The following NRG1 variants were observed in gnomAD, a reference collection of about 807,000 sequenced individuals.
NRG1 encodes pro-neuregulin-1, membrane-bound isoform.
A neutral mutation model predicts 63.8 loss-of-function variants in NRG1; 18 were observed. The observed-to-expected ratio is 0.28, with a 90% CI of 0.19 to 0.42. The LOEUF (loss-of-function observed/expected upper bound fraction) is 0.42. NRG1 is among the 10% of genes least tolerant of loss of function. NRG1 has a pLI of 1.00. For synonymous variants in NRG1, 302 were observed against 301.3 expected (o/e 1.00, Z -0.02); for missense variants, 762 against 814.7 (o/e 0.94, Z 0.79).
chr8:31,996,431 TG>T (rs1367393126), intron 1 of NRG1, among the ~76,000 whole-genome samples: 3 of 151,992 alleles, frequency 2.0e-5, no homozygotes, highest in African/African-American at 7.2e-5. Flanking sequence ...AAGTGATTAC[TG>T]ACTTACTGGA....
chr8:32,526,880 C>A (rs930788198), intron 1 of NRG1, among the ~76,000 whole-genome samples: 2 of 152,182 alleles, frequency 1.3e-5, no homozygotes, highest in Admixed American at 1.3e-4. Context: ...TTTTGGAGGG[C>A]TAAATGCTAG....
At chr8:32,407,195 A>G (rs1406093418) in intron 1 of NRG1, among the ~76,000 whole-genome samples, 1 of 150,238 alleles carries the variant, frequency 6.7e-6, no homozygotes, top group Non-Finnish European at 1.5e-5. Context: ...GTGTACAAAT[A>G]TTAGGGTCAC....
At chr8:31,909,782 C>T (rs1001555936) in intron 1 of NRG1, among the ~76,000 whole-genome samples, 2 of 152,152 alleles carry the variant, frequency 1.3e-5, no homozygotes, top group African/African-American at 2.4e-5. Flanking sequence ...TCAAGCGGTG[C>T]GTTGTACATG....
At chr8:31,701,054 G>T (rs1810576888) in intron 1 of NRG1, among the ~76,000 whole-genome samples, 1 of 152,130 alleles carries the variant, frequency 6.6e-6, no homozygotes, top group Admixed American at 6.6e-5. Context: ...CAAGTAGGGA[G>T]TATTATTAGT....
chr8:32,298,317 A>T (rs571740386), intron 1 of NRG1, among the ~76,000 whole-genome samples: 2 of 152,352 alleles, frequency 1.3e-5, no homozygotes, highest in South Asian at 4.1e-4. Flanking sequence ...GCCTGGCAGA[A>T]CTGACTACAG....
At chr8:32,179,452 T>A (rs1841195140) in intron 1 of NRG1, among the ~76,000 whole-genome samples, 1 of 152,202 alleles carries the variant, frequency 6.6e-6, no homozygotes, top group Admixed American at 6.5e-5. Context: ...TTCGTCTATT[T>A]ATTTGAGAAA....
chr8:32,396,076 A>T (rs565996540), intron 1 of NRG1, among the ~76,000 whole-genome samples: 1 of 152,100 alleles, frequency 6.6e-6, no homozygotes, highest in African/African-American at 2.4e-5. Flanking sequence ...TGTTCTATTG[A>T]TCTATATATA....
chr8:32,639,583 T>C (rs1851944300), intron 5 of NRG1, among the ~76,000 whole-genome samples: 1 of 152,234 alleles, frequency 6.6e-6, no homozygotes, highest in Non-Finnish European at 1.5e-5. Flanking sequence ...CTCTTATGAG[T>C]AATTCATAAC....
intron 1 of NRG1, among the ~76,000 whole-genome samples, chr8:31,669,395 G>A (rs763234951): frequency 8.6e-5 from 13 of 151,990 alleles, no homozygotes; most frequent in Non-Finnish European, 1.8e-4. Flanking sequence ...GTGCCACCAT[G>A]CCCGGCTAAT....
chr8:31,765,507 T>C (rs1817971478), intron 1 of NRG1, among the ~76,000 whole-genome samples: 1 of 152,246 alleles, frequency 6.6e-6, no homozygotes, highest in Non-Finnish European at 1.5e-5. Context: ...TTCTCCTCTA[T>C]GCCTGTGTTT....
intron 1 of NRG1, among the ~76,000 whole-genome samples, chr8:31,968,770 T>A (rs1806797337): frequency 6.6e-6 from 1 of 152,110 alleles, no homozygotes. Context: ...TGGGCCCTGG[T>A]TTTTAGTTTG....
intron 1 of NRG1, among the ~76,000 whole-genome samples, chr8:32,172,764 A>T (rs577208996): frequency 6.6e-6 from 1 of 152,240 alleles, no homozygotes; most frequent in Non-Finnish European, 1.5e-5. Context: ...AATGAATGAA[A>T]TGAAGCAAGA....
chr8:32,327,729 C>A (rs943331271), intron 1 of NRG1, among the ~76,000 whole-genome samples: 1 of 152,190 alleles, frequency 6.6e-6, no homozygotes, highest in Non-Finnish European at 1.5e-5. Context: ...GACTTTAGAT[C>A]ACCATATTGG....
At chr8:32,125,378 C>G (rs981846612) in intron 1 of NRG1, among the ~76,000 whole-genome samples, 1 of 151,958 alleles carries the variant, frequency 6.6e-6, no homozygotes, top group South Asian at 2.1e-4. Context: ...TCTCTGTAGA[C>G]TTTAATTGCT....
intron 1 of NRG1, among the ~76,000 whole-genome samples, chr8:31,901,297 A>G (rs1832058929): frequency 6.6e-6 from 1 of 152,190 alleles, no homozygotes; most frequent in East Asian, 1.9e-4. Context: ...TACATGTAAC[A>G]TGTAAGCCTG....
At chr8:32,666,057 G>A (rs1804071521) in intron 5 of NRG1, among the ~76,000 whole-genome samples, 1 of 152,160 alleles carries the variant, frequency 6.6e-6, no homozygotes, top group African/African-American at 2.4e-5. Flanking sequence ...TGTTTCTTGA[G>A]GGACACTTCT....
chr8:32,202,339 T>C (rs568673420), intron 1 of NRG1, among the ~76,000 whole-genome samples: 5 of 152,164 alleles, frequency 3.3e-5, no homozygotes, highest in African/African-American at 1.2e-4. Context: ...TCTTGTTTAT[T>C]TGGCCTCAGT....
rs528312340 is a variant in NRG1 at position 31,926,938 on chromosome 8, G to A, written c.37+287507G>A. Among the ~76,000 whole-genome samples the A allele has an allele frequency of 2.6e-5, 4 of 152,158 alleles. No homozygotes were observed. The East Asian group carries it at 5.8e-4, about 22-fold the overall frequency. ...CCTGACCACTCTCTCCTCATGTGGT[G>A]GTGCCCCATTCCACACTCTCTTCTA... On this transcript the variant is annotated intron_variant, in intron 1 of 10. Transcript: ENST00000519301.
intron 1 of NRG1, among the ~76,000 whole-genome samples, chr8:31,884,266 C>A (rs990362080): frequency 7.9e-5 from 12 of 151,860 alleles, no homozygotes; most frequent in African/African-American, 2.9e-4. Flanking sequence ...AACTTTGGGC[C>A]CTGGAGAGAG....
Sources: gnomAD v4.1 joint callset for allele counts (sites outside exome capture counted in the v4.1 genomes callset) on GRCh38, gnomAD v4.1.1 for gene constraint, MANE v1.5 for transcripts, NCBI Gene and HGNC (gene_info 2026-07-23, HGNC 2026-07-21) for gene names.